Variants in KRABD3 observed in about 807,000 individuals in gnomAD.
The protein encoded by KRABD3 is KRAB domain-containing protein 3.
the KRABD3 span, chr7:149,724,928 G>A: frequency 1.2e-4 from 155 of 1,259,726 alleles, no homozygotes; most frequent in African/African-American, 2.2e-3. Context: ...TAACCCCAGG[G>A]AAGCAGCTCT....
chr7:149,734,006 T>G, the KRABD3 span: 2 of 1,610,914 alleles, frequency 1.2e-6, no homozygotes, highest in South Asian at 2.2e-5. Context: ...GGAAGAACTG[T>G]GGGGTGGGGA....
chr7:149,720,239 A>G, the KRABD3 span: 2 of 1,198,132 alleles, frequency 1.7e-6, no homozygotes, highest in East Asian at 2.7e-5. Flanking sequence ...TGCCTCCCCT[A>G]CTGCAACCTC....
chr7:149,728,332 A>G, the KRABD3 span, among the ~76,000 whole-genome samples: 1 of 152,208 alleles, frequency 6.6e-6, no homozygotes, highest in South Asian at 2.1e-4. Context: ...GTGGGTGGCC[A>G]GGACAGGCCA....
the KRABD3 span, chr7:149,728,531 C>T: frequency 5.0e-6 from 8 of 1,613,154 alleles, no homozygotes; most frequent in South Asian, 2.2e-5. Flanking sequence ...AGGAAGCCCA[C>T]CAGGAAGCTC....
At chr7:149,730,904 C>T in the KRABD3 span, among the ~76,000 whole-genome samples, 426 of 152,328 alleles carry the variant, frequency 2.8e-3, 5 homozygotes, top group South Asian at 0.016. Flanking sequence ...CAATCAATAA[C>T]AAAAGTCTCA....
chr7:149,725,875 T>C, the KRABD3 span: 6 of 1,557,872 alleles, frequency 3.9e-6, no homozygotes, highest in Non-Finnish European at 5.2e-6. Flanking sequence ...ACAACTGTGC[T>C]GTTCCCTACA....
At chr7:149,716,116 C>T in the KRABD3 span, among the ~76,000 whole-genome samples, 1 of 152,176 alleles carries the variant, frequency 6.6e-6, no homozygotes, top group Non-Finnish European at 1.5e-5. Context: ...AATGTGAGCA[C>T]AGCCTCCAGG....
At chr7:149,725,958 GC>G in the KRABD3 span, 1 of 1,604,196 alleles carries the variant, frequency 6.2e-7, no homozygotes, top group Admixed American at 1.7e-5. Flanking sequence ...CAGGCCCCTG[GC>G]CCCCCGAGGA....
chr7:149,722,212 CAG>C, the KRABD3 span, among the ~76,000 whole-genome samples: 16 of 152,194 alleles, frequency 1.1e-4, no homozygotes, highest in African/African-American at 2.9e-4. Context: ...AGGCTGGGCT[CAG>C]GGGGAAGGGT....
the KRABD3 span, chr7:149,729,489 G>C: frequency 1.6e-6 from 2 of 1,266,134 alleles, no homozygotes; most frequent in East Asian, 6.3e-5. Context: ...TTTCCCCAGA[G>C]GACAGAAGCT....
the KRABD3 span, among the ~76,000 whole-genome samples, chr7:149,718,393 A>G: frequency 6.6e-6 from 1 of 152,142 alleles, no homozygotes; most frequent in Non-Finnish European, 1.5e-5. Context: ...GACCCTTCCC[A>G]TAATTTACCT....
chr7:149,732,291 C>T, the KRABD3 span, among the ~76,000 whole-genome samples: 2 of 152,168 alleles, frequency 1.3e-5, no homozygotes, highest in African/African-American at 4.8e-5. The surrounding 1 kb of genome is among the most constrained non-coding windows in gnomAD (Gnocchi z 4.0). Flanking sequence ...CTGGGGCCAC[C>T]GAGCCTTGCC....
the KRABD3 span, chr7:149,728,569 CAAG>C: frequency 6.8e-6 from 11 of 1,613,646 alleles, no homozygotes; most frequent in Admixed American, 1.7e-5. Flanking sequence ...AGAATTGTCT[CAAG>C]GAGATACCTG....
At chr7:149,719,988 A>C in the KRABD3 span, 1 of 1,537,514 alleles carries the variant, frequency 6.5e-7, no homozygotes, top group Non-Finnish European at 8.8e-7. This position sits in a 1 kb window ranked among gnomAD's most constrained non-coding sequence, Gnocchi z 5.6. Flanking sequence ...CCAGGGCCAC[A>C]GTTCCCTCTT....
chr7:149,721,549 A>ATATCACAAAACAGTTTGTCTT, the KRABD3 span: 1 of 1,609,622 alleles, frequency 6.2e-7, no homozygotes. Flanking sequence ...AGTCTGACAC[A>ATATCACAAAACAGTTTGTCTT]GCAGGGACAG....
chr7:149,722,339 C>G, the KRABD3 span: 1 of 1,549,694 alleles, frequency 6.5e-7, no homozygotes, highest in Non-Finnish European at 8.7e-7. Flanking sequence ...AGAGGGCTGT[C>G]CTCTATGGGA....
chr7:149,721,146 G>A, the KRABD3 span, among the ~76,000 whole-genome samples: 23 of 152,246 alleles, frequency 1.5e-4, no homozygotes, highest in Non-Finnish European at 8.8e-5. Context: ...GCCGCCCTCT[G>A]AGCACATGCC....
At chr7:149,731,568 C>G in the KRABD3 span, 8 of 914,546 alleles carry the variant, frequency 8.7e-6, no homozygotes, top group Admixed American at 1.8e-4. Context: ...CTCATTTAAT[C>G]ATTGTTTAAA....
At chr7:149,717,777 G>A in the KRABD3 span, among the ~76,000 whole-genome samples, 1 of 152,232 alleles carries the variant, frequency 6.6e-6, no homozygotes, top group Non-Finnish European at 1.5e-5. Context: ...AGAACAGGCA[G>A]AGAGCCCGGC....
Sources: gnomAD v4.1 joint callset for allele counts (sites outside exome capture counted in the v4.1 genomes callset) on GRCh38, gnomAD v4.1.1 for gene constraint, Gnocchi (gnomAD v3.1) non-coding constraint, MANE v1.5 for transcripts, NCBI Gene and HGNC (gene_info 2026-07-23, HGNC 2026-07-21) for gene names.